TMEM50B: variants seen among roughly 807,000 people sequenced by gnomAD.
TMEM50B encodes transmembrane protein 50B.
In TMEM50B, 14 loss-of-function variants were observed where a neutral mutation model predicts 23.4. The observed-to-expected ratio is 0.60, with a 90% CI of 0.39 to 0.93. TMEM50B has a LOEUF of 0.93. Ranked by LOEUF, TMEM50B falls within the 40% of genes least tolerant of loss-of-function variation. The pLI is 0.00. For missense variants in TMEM50B, 159 were observed against 193.0 expected (o/e 0.82, Z 1.04); for synonymous variants, 64 against 62.3 (o/e 1.03, Z -0.13).
At chr21:33,434,538 T>C (rs1797552495) in intron 8 of TMEM50B, among the ~76,000 whole-genome samples, 1 of 151,840 alleles carries the variant, frequency 6.6e-6, no homozygotes, top group Admixed American at 6.6e-5. Flanking sequence ...ATAAAATAAA[T>C]AAAAAGCATT....
intron 1 of TMEM50B, among the ~76,000 whole-genome samples, chr21:33,469,901 C>T (rs1002664917): frequency 6.6e-6 from 1 of 152,130 alleles, no homozygotes; most frequent in African/African-American, 2.4e-5. Context: ...ATTCCTGACC[C>T]ATAAAATCTA....
chr21:33,471,577 T>A (rs1324199055), intron 1 of TMEM50B, among the ~76,000 whole-genome samples: 2 of 151,942 alleles, frequency 1.3e-5, no homozygotes, highest in Non-Finnish European at 2.9e-5. Flanking sequence ...AACTATTTTT[T>A]AAAAAAAGAA....
chr21:33,455,724 T>C lies in TMEM50B; in HGVS notation c.431+3A>G. 1 of 1,612,772 alleles carries C rather than the reference T, an allele frequency of 6.2e-7. No individual in the cohort carries two copies. The highest frequency in any genetic ancestry group is 8.5e-7 in the Non-Finnish European group (1 of 1,178,868). ...GGCGTGGTTAAAAAATAAGGCAACTTACCTAAAAAATATAAGTGCATTTTG... is the reference window on the plus strand; with the variant it reads ...GGCGTGGTTAAAAAATAAGGCAACTCACCTAAAAAATATAAGTGCATTTTG... On this transcript the variant is annotated splice_donor_region_variant and intron_variant, in intron 6 of 6. Transcript: ENST00000542230.
downstream of TMEM50B, among the ~76,000 whole-genome samples, chr21:33,446,679 C>CAAAAAAAAAAAAAAAAAAAA (rs1409384682): frequency 3.9e-5 from 4 of 102,362 alleles, no homozygotes; most frequent in Admixed American, 1.2e-4. Context: ...AAAAAAAAAA[C>CAAAAAAAAAAAAAAAAAAAA]CTCTAAGAAA....
chr21:33,436,788 TG>T, intron 8 of TMEM50B: 1 of 1,588,574 alleles, frequency 6.3e-7, no homozygotes, highest in Non-Finnish European at 8.6e-7. Context: ...TATACTGAAC[TG>T]GTAAACTAAT....
chr21:33,454,895 T>C (rs1017980407), intron 6 of TMEM50B, among the ~76,000 whole-genome samples: 1 of 151,936 alleles, frequency 6.6e-6, no homozygotes, highest in Non-Finnish European at 1.5e-5. Context: ...GGCAGGCAAA[T>C]TGTCTGAGCT....
At chr21:33,466,722 G>A (rs1350762878) in intron 3 of TMEM50B, among the ~76,000 whole-genome samples, 1 of 151,464 alleles carries the variant, frequency 6.6e-6, no homozygotes, top group Non-Finnish European at 1.5e-5. Flanking sequence ...ATTAAAATGC[G>A]AAAAAGTAGA....
At chr21:33,433,463 A>G (rs1321813303) in intron 8 of TMEM50B, among the ~76,000 whole-genome samples, 2 of 152,200 alleles carry the variant, frequency 1.3e-5, no homozygotes, top group South Asian at 2.1e-4. Context: ...GACACATCCT[A>G]CCACACACAT....
intron 8 of TMEM50B, among the ~76,000 whole-genome samples, chr21:33,438,009 G>C (rs554205786): frequency 6.6e-6 from 1 of 151,680 alleles, no homozygotes; most frequent in Non-Finnish European, 1.5e-5. Flanking sequence ...AGAGGGCTGG[G>C]CATGGTGGCT....
chr21:33,467,144 C>T (rs2084271771), intron 2 of TMEM50B, 22 bp from the exon 3 acceptor site: 1 of 1,589,092 alleles, frequency 6.3e-7, no homozygotes, highest in Non-Finnish European at 8.6e-7. Flanking sequence ...GCCCAAGTCA[C>T]TGAAACATTA....
At chr21:33,442,890 A>G (rs1159695170) in intron 7 of TMEM50B, among the ~76,000 whole-genome samples, 2 of 151,666 alleles carry the variant, frequency 1.3e-5, no homozygotes, top group Admixed American at 1.3e-4. Flanking sequence ...ACTGCACTCC[A>G]GCCTGGGCTA....
intron 1 of TMEM50B, among the ~76,000 whole-genome samples, chr21:33,474,504 C>T (rs1206945285): frequency 6.6e-6 from 1 of 151,332 alleles, no homozygotes; most frequent in Non-Finnish European, 1.5e-5. Flanking sequence ...ACTGAAGAGG[C>T]CAGGTGCAAT....
intron 3 of TMEM50B, among the ~76,000 whole-genome samples, chr21:33,465,936 A>G (rs898288357): frequency 6.6e-6 from 1 of 152,174 alleles, no homozygotes; most frequent in Non-Finnish European, 1.5e-5. Flanking sequence ...CACAATGGAT[A>G]TAAGTAGTTC....
downstream of TMEM50B, chr21:33,446,906 G>C (rs935702193): frequency 6.6e-6 from 1 of 152,124 alleles, no homozygotes; most frequent in Non-Finnish European, 1.5e-5. Flanking sequence ...ACTTTGGGAG[G>C]CCGAGGCGGG....
intron 8 of TMEM50B, chr21:33,437,378 A>G: frequency 5.2e-6 from 1 of 191,292 alleles, no homozygotes; most frequent in Non-Finnish European, 1.1e-5. Flanking sequence ...TGTCCCAGCG[A>G]GGGACACCGA....
chr21:33,471,177 G>C (rs2084312442), intron 1 of TMEM50B, among the ~76,000 whole-genome samples: 1 of 152,156 alleles, frequency 6.6e-6, no homozygotes. Flanking sequence ...CACCAAGTCA[G>C]GGAGGATCAG....
downstream of TMEM50B, among the ~76,000 whole-genome samples, chr21:33,445,777 ACT>A (rs1334614315): frequency 1.3e-5 from 2 of 150,582 alleles, no homozygotes; most frequent in African/African-American, 2.4e-5. Context: ...ACAGAGTGAG[ACT>A]CTGTCTCAAA....
intron 7 of TMEM50B, among the ~76,000 whole-genome samples, chr21:33,441,372 G>C (rs2084007414): frequency 6.6e-6 from 1 of 152,170 alleles, no homozygotes; most frequent in Non-Finnish European, 1.5e-5. Context: ...ATTACAAGGG[G>C]AACACGTGTG....
intron 1 of TMEM50B, among the ~76,000 whole-genome samples, chr21:33,472,383 A>AAAAT (rs1375379107): frequency 6.6e-6 from 1 of 152,184 alleles, no homozygotes; most frequent in Non-Finnish European, 1.5e-5. Flanking sequence ...TTCCATCTAA[A>AAAAT]AAATAAATAA....
Sources: gnomAD v4.1 joint callset for allele counts (sites outside exome capture counted in the v4.1 genomes callset) on GRCh38, gnomAD v4.1.1 for gene constraint, MANE v1.5 for transcripts, NCBI Gene and HGNC (gene_info 2026-07-23, HGNC 2026-07-21) for gene names.